The following PLXNA2 variants were observed in gnomAD, a reference collection of about 807,000 sequenced individuals.
PLXNA2 encodes the protein plexin-A2.
Under a neutral mutation model 193.5 loss-of-function variants are expected in PLXNA2, and 91 were observed. The ratio of observed to expected loss-of-function variants is 0.47; its 90% CI spans 0.40 to 0.56. The LOEUF (loss-of-function observed/expected upper bound fraction) is 0.56, where lower values mean the gene tolerates loss of function less well. PLXNA2 is among the 20% of genes least tolerant of loss of function. The probability of loss-of-function intolerance (pLI) is 0.00; values close to 1 mark genes in which losing one functional copy is unlikely to be tolerated. For missense variants in PLXNA2, 1,995 were observed against 2,503.2 expected (o/e 0.80, Z 4.33); for synonymous variants, 997 against 1,027.3 (o/e 0.97, Z 0.56).
chr1:208,110,187 G>A (rs1317809693), intron 4 of PLXNA2, among the ~76,000 whole-genome samples: 2 of 152,202 alleles, frequency 1.3e-5, no homozygotes, highest in Non-Finnish European at 2.9e-5. Flanking sequence ...TCTGGGGAAA[G>A]TCCAGGCCCC....
intron 8 of PLXNA2, 135 bp from the exon 9 acceptor site, chr1:208,093,035 T>A: frequency 1.7e-6 from 1 of 572,502 alleles, no homozygotes; most frequent in Non-Finnish European, 3.1e-6. Context: ...TGGGCCATCC[T>A]CTAGCACCAA....
At position 208,033,411 on chromosome 1, in the gene PLXNA2, C is replaced by T. The variant is rs1441760365; in HGVS notation, c.4963G>A (p.Val1655Met). ...TGGTCACCGTGGTCATGGTTCTTCA[C>T]CAGATGCCACACCTTGACCCCACTT... ...LESGVKVWHL[V>M]KNHDHGDQKE... The change falls in exon 28 of 32, where the codon GTG (valine) becomes ATG (methionine). Residue 1655 changes from valine to methionine, a missense_variant. Val to Met is a conservative substitution (Grantham distance 21). Coordinates refer to ENST00000367033, the MANE Select transcript of PLXNA2 (RefSeq NM_025179.4). 6.2e-7 allele frequency: 1 copy of T among 1,614,046 alleles called. No homozygotes were observed. Among genetic ancestry groups the T allele is most frequent in the African/African-American group, 1.3e-5 (1 of 74,914 alleles).
chr1:208,087,893 G>C (rs1287416285), intron 9 of PLXNA2, among the ~76,000 whole-genome samples: 1 of 152,070 alleles, frequency 6.6e-6, no homozygotes, highest in Admixed American at 6.5e-5. Flanking sequence ...CTTCCAACCT[G>C]TTTGCTTCTG....
intron 1 of PLXNA2, among the ~76,000 whole-genome samples, chr1:208,221,716 CA>C (rs1671343845): frequency 6.6e-6 from 1 of 152,100 alleles, no homozygotes; most frequent in African/African-American, 2.4e-5. Flanking sequence ...GTGGCTGTTC[CA>C]AGCAGAGCCC....
chr1:208,210,249 C>T (rs1157623224), intron 3 of PLXNA2, 31 bp downstream of exon 3: 1 of 1,609,548 alleles, frequency 6.2e-7, no homozygotes, highest in Admixed American at 1.7e-5. Context: ...AGGTGAATGG[C>T]ATTGGAGCAT....
intron 4 of PLXNA2, among the ~76,000 whole-genome samples, chr1:208,133,726 A>C (rs1228866276): frequency 1.3e-5 from 2 of 152,118 alleles, no homozygotes; most frequent in Non-Finnish European, 2.9e-5. Flanking sequence ...CACAGTGTTC[A>C]CTCTTGTCTG....
rs1558162313 is a variant in PLXNA2, at chr1:208,044,966, G to C, written c.3639+101C>G. 3.6e-6 allele frequency: 5 copies of C among 1,372,808 alleles called. No individual in the cohort carries two copies. The highest frequency in any genetic ancestry group is 3.1e-6 in the Non-Finnish European group (3 of 972,508). The allele number at this position is 1,372,808 out of a possible 1,614,324, so 85.0% of individuals were successfully genotyped here. On this transcript the variant is annotated intron_variant, in intron 19 of 31. Transcript: ENST00000367033. This position sits in a 1 kb window ranked among gnomAD's most constrained non-coding sequence, Gnocchi z 4.9. Reference sequence around the variant, plus strand: ...CCCAGAGATGAGGAGATATGGAGGGGGTGAGTCAGGCAACGAGACAGAAGA... The same window carrying C: ...CCCAGAGATGAGGAGATATGGAGGGCGTGAGTCAGGCAACGAGACAGAAGA...
At chr1:208,029,980 C>A (rs2102297536) in intron 29 of PLXNA2, 1 of 985,560 alleles carries the variant, frequency 1.0e-6, no homozygotes. Context: ...AGCTCCCCAG[C>A]TTCTTCTTCT....
chr1:208,033,870 C>T (rs953258757), intron 27 of PLXNA2, among the ~76,000 whole-genome samples: 1 of 152,182 alleles, frequency 6.6e-6, no homozygotes, highest in Admixed American at 6.5e-5. Flanking sequence ...TAAAGAGCTG[C>T]AAGTTGTAAT....
intron 4 of PLXNA2, among the ~76,000 whole-genome samples, chr1:208,108,665 T>C (rs1667355467): frequency 6.6e-6 from 1 of 152,320 alleles, no homozygotes; most frequent in Admixed American, 6.5e-5. Context: ...TCCTTAAACA[T>C]CTACTGAGCA....
At chr1:208,080,970 G>A (rs982342204) in intron 11 of PLXNA2, among the ~76,000 whole-genome samples, 12 of 152,202 alleles carry the variant, frequency 7.9e-5, no homozygotes, top group Non-Finnish European at 8.8e-5. Flanking sequence ...AGCCCAATGC[G>A]CAGCCGGCAG....
intron 4 of PLXNA2, among the ~76,000 whole-genome samples, chr1:208,109,619 T>A (rs1434946822): frequency 6.6e-6 from 1 of 152,252 alleles, no homozygotes; most frequent in Non-Finnish European, 1.5e-5. Context: ...TCACTGGATC[T>A]ACTGAGAAAT....
At chr1:208,070,940 C>A (rs896862852) in intron 12 of PLXNA2, among the ~76,000 whole-genome samples, 5 of 152,092 alleles carry the variant, frequency 3.3e-5, no homozygotes, top group East Asian at 3.9e-4. Context: ...TTTGTTTTCA[C>A]GAGCGTCCTG....
rs1248679581 is a variant in PLXNA2, at chr1:208,054,440, T to C, written c.2837A>G (p.His946Arg). The change falls in exon 14 of 32, where the codon CAT (histidine) becomes CGT (arginine). Residue 946 changes from histidine to arginine, a missense_variant. This residue lies in a region of PLXNA2 where 1,291 missense variants were observed against 1,673.6 expected (regional missense o/e 0.77). Transcript: ENST00000367033. The stretch of plus-strand genomic sequence containing the variant: ...ACTCACCACGAAGGTGTACTGCTGA[T>C]GGGACTTCGTCATGAACTCTGGCTT... Reference protein sequence around the residue: ...ECKPEFMTKSHQQYTFVNPSV... With the variant: ...ECKPEFMTKSRQQYTFVNPSV... The C allele has an allele frequency of 6.2e-7, 1 of 1,613,986 alleles. No individual in the cohort carries two copies. Among genetic ancestry groups the C allele is most frequent in the South Asian group, 1.1e-5 (1 of 91,070 alleles).
chr1:208,084,440 G>C lies in PLXNA2; in HGVS notation c.2238C>G (p.Ala746=). The C allele has an allele frequency of 6.2e-7, 1 of 1,614,256 alleles. No homozygotes were observed. The highest frequency in any genetic ancestry group is 8.5e-7 in the Non-Finnish European group (1 of 1,180,046). Residue 746 remains alanine (A), a synonymous_variant, in exon 10 of 32, where the codon GCC becomes GCG. Coordinates refer to ENST00000367033, the MANE Select transcript of PLXNA2 (RefSeq NM_025179.4). ...AGCGCAGAGCGGGGACCCGGTGGAT[G>C]GCTCCTTGTATGTTGAGGACACACT... ...GYECVLNIQG[A]IHRVPALRFN... is the part of the protein sequence containing the mutation.
At chr1:208,216,579 C>T (rs112322182) in intron 2 of PLXNA2, among the ~76,000 whole-genome samples, 156 bp downstream of exon 2, 169 of 152,302 alleles carry the variant, frequency 1.1e-3, no homozygotes, top group African/African-American at 3.7e-3. Context: ...TACGTAAGAC[C>T]CTGCGTTATT....
At chr1:208,132,959 G>A (rs1399103594) in intron 4 of PLXNA2, among the ~76,000 whole-genome samples, 3 of 152,208 alleles carry the variant, frequency 2.0e-5, no homozygotes, top group Admixed American at 1.3e-4. Flanking sequence ...CAGGCTGGCT[G>A]CTCCCCATGG....
At chr1:208,126,283 G>A (rs1219262090) in intron 4 of PLXNA2, among the ~76,000 whole-genome samples, 1 of 152,144 alleles carries the variant, frequency 6.6e-6, no homozygotes, top group African/African-American at 2.4e-5. Flanking sequence ...GGGTGGTTTG[G>A]TTCTTTCTGG....
At chr1:208,040,404 A>T in intron 22 of PLXNA2, 1 of 258,616 alleles carries the variant, frequency 3.9e-6, no homozygotes, top group Non-Finnish European at 7.4e-6. Flanking sequence ...CTCCCAACTC[A>T]CTTCTGGCCT....
Sources: allele counts gnomAD v4.1 joint callset (sites outside exome capture counted in the v4.1 genomes callset), GRCh38; gene constraint gnomAD v4.1.1; regional missense constraint gnomAD v4.1.1; non-coding constraint Gnocchi (gnomAD v3.1); transcripts MANE v1.5; gene names NCBI Gene and HGNC (gene_info 2026-07-23, HGNC 2026-07-21).